The following CFTR variants were observed in gnomAD, a reference collection of about 807,000 sequenced individuals.
The protein encoded by CFTR is cystic fibrosis transmembrane conductance regulator.
Under a neutral mutation model 171.6 loss-of-function variants are expected in CFTR, and 181 were observed. That is an observed-to-expected ratio of 1.05 (90% confidence interval 0.93 to 1.19). CFTR has a LOEUF of 1.19. Ranked by LOEUF, CFTR falls within the 50% of genes most tolerant of loss-of-function variation. The probability of loss-of-function intolerance (pLI) is 0.00; values close to 1 mark genes in which losing one functional copy is unlikely to be tolerated. For missense variants in CFTR, 1,968 were observed against 1,734.7 expected, an observed-to-expected ratio of 1.13 and a Z score of -2.39; for synonymous variants, 583 against 608.0, an observed-to-expected ratio of 0.96 and a Z score of 0.60.
chr7:117,610,800 T>G (rs1273134728), intron 19 of CFTR, 131 bp downstream of exon 19: 1 of 898,880 alleles, frequency 1.1e-6, no homozygotes, highest in East Asian at 2.7e-5. Flanking sequence ...AATTTTTTTC[T>G]ACATGCATGT....
intron 21 of CFTR, among the ~76,000 whole-genome samples, chr7:117,616,650 T>G (rs1444697769): frequency 6.6e-6 from 1 of 152,144 alleles, no homozygotes; most frequent in Non-Finnish European, 1.5e-5. Context: ...TTTTCACATG[T>G]GCATCCTGGC....
At position 117,614,668 on chromosome 7, in the gene CFTR, T is replaced by A. The variant is rs748284173; in HGVS notation, c.3423T>A (p.Ser1141Arg). The A allele has an allele frequency of 6.2e-7, 1 of 1,612,608 alleles. No individual in the cohort carries two copies. The highest frequency in any genetic ancestry group is 1.1e-5 in the South Asian group (1 of 91,064). The stretch of plus-strand genomic sequence containing the variant: ...TGACTTTAGCCATGAATATCATGAG[T>A]ACATTGCAGTGGGCTGTAAACTCCA... ...IILTLAMNIMSTLQWAVNSSI... is the reference protein window; with the variant it reads ...IILTLAMNIMRTLQWAVNSSI... The change falls in exon 21 of 27, where the codon AGT becomes AGA. Residue 1141 changes from serine (S) to arginine (R), a missense_variant. Coordinates refer to ENST00000003084, the MANE Select transcript of CFTR (RefSeq NM_000492.4).
intron 23 of CFTR, among the ~76,000 whole-genome samples, chr7:117,643,629 C>T (rs1157261005): frequency 6.6e-6 from 1 of 151,556 alleles, no homozygotes; most frequent in South Asian, 2.1e-4. Flanking sequence ...ATTGTTTCTT[C>T]AGAAAGAAAA....
chr7:117,520,303 T>C lies in CFTR; in HGVS notation c.274-10596T>C, dbSNP rs542063561. On this transcript the variant is annotated intron_variant, in intron 3 of 26. Coordinates refer to ENST00000003084, the MANE Select transcript of CFTR (RefSeq NM_000492.4). ...TTTTTACAATTAAAAGCTTTAATTTTTGAAAATTTTGCTGGCAAATCTATA... is the reference window on the plus strand; with the variant it reads ...TTTTTACAATTAAAAGCTTTAATTTCTGAAAATTTTGCTGGCAAATCTATA... 1.7e-4 allele frequency among the ~76,000 whole-genome samples: 25 copies of C among 151,442 alleles called. No homozygotes were observed. The South Asian group carries it at 4.3e-3, about 26-fold the overall frequency.
chr7:117,645,327 C>T (rs1303567562), intron 23 of CFTR, among the ~76,000 whole-genome samples: 2 of 152,180 alleles, frequency 1.3e-5, no homozygotes, highest in African/African-American at 4.8e-5. Context: ...TGATCTGTCA[C>T]AGTGAGGTCC....
chr7:117,649,758 CAA>C (rs1237569499), intron 23 of CFTR, among the ~76,000 whole-genome samples: 1 of 151,908 alleles, frequency 6.6e-6, no homozygotes, highest in Non-Finnish European at 1.5e-5. Flanking sequence ...ATGTTAAAAA[CAA>C]AATGCTCACA....
chr7:117,637,604 C>T (rs373007787), intron 22 of CFTR, among the ~76,000 whole-genome samples: 92 of 151,986 alleles, frequency 6.1e-4, no homozygotes, highest in Middle Eastern at 3.4e-3. Context: ...GGGCCAGGTG[C>T]GGTGGCTCAC....
chr7:117,659,327 GT>G (rs945375309), intron 24 of CFTR, among the ~76,000 whole-genome samples: 1 of 152,100 alleles, frequency 6.6e-6, no homozygotes, highest in Non-Finnish European at 1.5e-5. Context: ...ACTTGTCCAT[GT>G]CCCCCACTGG....
rs1186803395 is a variant in CFTR, at chr7:117,614,696, A to T, written c.3451A>T (p.Ile1151Leu). ...STLQWAVNSS[I>L]DVDSLMRSVS... ...ATTGCAGTGGGCTGTAAACTCCAGC[A>T]TAGATGTGGATAGCTTGGTAAGTCT... is the stretch of plus-strand genomic sequence containing the variant. The change falls in exon 21 of 27, where the codon ATA (isoleucine) becomes TTA (leucine). Residue 1151 changes from isoleucine (I) to leucine (L), a missense_variant. Ile to Leu is a conservative substitution (Grantham distance 5). Transcript: ENST00000003084. The T allele has an allele frequency of 6.2e-7, 1 of 1,609,984 alleles. No homozygotes were observed. Among genetic ancestry groups the T allele is most frequent in the African/African-American group, 1.3e-5 (1 of 74,776 alleles).
chr7:117,490,354 C>G lies in CFTR; in HGVS notation c.53+10207C>G, dbSNP rs963322608. 1.2e-3 allele frequency among the ~76,000 whole-genome samples: 181 copies of G among 146,164 alleles called. 1 individual carries two copies. Among genetic ancestry groups the G allele is most frequent in the African/African-American group, 4.7e-3 (179 of 37,838 alleles). On this transcript the variant is annotated intron_variant, in intron 1 of 26. Coordinates refer to ENST00000003084, the MANE Select transcript of CFTR (RefSeq NM_000492.4). The stretch of plus-strand genomic sequence containing the variant: ...ACACACACACACACACACACACACA[C>G]AATTTATTATAAGGAATTGACTTAC...
intron 11 of CFTR, among the ~76,000 whole-genome samples, chr7:117,572,087 T>C (rs1791699747): frequency 6.6e-6 from 1 of 152,092 alleles, no homozygotes; most frequent in Admixed American, 6.6e-5. Context: ...CTCCAACCTC[T>C]GCCTCCCGGG....
intron 11 of CFTR, among the ~76,000 whole-genome samples, chr7:117,574,568 A>G (rs183814653): frequency 6.6e-6 from 1 of 152,256 alleles, no homozygotes; most frequent in African/African-American, 2.4e-5. Context: ...CTGTATTTCT[A>G]GCGTCTATTA....
At chr7:117,492,894 T>A (rs1412261983) in intron 1 of CFTR, among the ~76,000 whole-genome samples, 1 of 151,964 alleles carries the variant, frequency 6.6e-6, no homozygotes, top group Admixed American at 6.6e-5. Context: ...GAAATAGAGG[T>A]TAGGTTTTAT....
chr7:117,494,470 G>A (rs1394303273), intron 1 of CFTR, among the ~76,000 whole-genome samples: 3 of 152,018 alleles, frequency 2.0e-5, no homozygotes, highest in African/African-American at 4.8e-5. Context: ...GAGCATTTAT[G>A]TCCCCAAAGA....
chr7:117,518,381 A>G (rs767920071), intron 3 of CFTR, among the ~76,000 whole-genome samples: 89 of 147,038 alleles, frequency 6.1e-4, no homozygotes, highest in Non-Finnish European at 1.2e-3. Context: ...AATATATAAT[A>G]CTATAAATAA....
At chr7:117,593,055 G>A (rs1388374962) in intron 14 of CFTR, among the ~76,000 whole-genome samples, 3 of 152,168 alleles carry the variant, frequency 2.0e-5, no homozygotes, top group Non-Finnish European at 4.4e-5. Context: ...TATGGAAGTA[G>A]CATATATAAG....
At chr7:117,638,638 A>G in intron 22 of CFTR, among the ~76,000 whole-genome samples, 1 of 152,022 alleles carries the variant, frequency 6.6e-6, no homozygotes, top group East Asian at 1.9e-4. Flanking sequence ...AGGGAAGCTA[A>G]GGCATGAGAA....
At chr7:117,522,678 T>G (rs927461568) in intron 3 of CFTR, among the ~76,000 whole-genome samples, 3 of 152,180 alleles carry the variant, frequency 2.0e-5, no homozygotes, top group Non-Finnish European at 4.4e-5. Flanking sequence ...GGACGCTTCT[T>G]GTGTCTCTGA....
chr7:117,534,309 A>G lies in CFTR; in HGVS notation c.523A>G (p.Ile175Val), dbSNP rs397508744. 1 of 1,604,436 alleles carries G rather than the reference A, an allele frequency of 6.2e-7. No individual in the cohort carries two copies. The highest frequency in any genetic ancestry group is 1.7e-4 in the Middle Eastern group (1 of 6,038). The stretch of plus-strand genomic sequence containing the variant: ...GCTGTCAAGCCGTGTTCTAGATAAA[A>G]TAAGTATTGGACAACTTGTTAGTCT... ...LKLSSRVLDK[I>V]SIGQLVSLLS... is the part of the protein sequence containing the mutation. The change falls in exon 5 of 27, where the codon ATA becomes GTA. Residue 175 changes from isoleucine (I) to valine (V), a missense_variant. Transcript: ENST00000003084.
Sources: gnomAD v4.1 joint callset for allele counts (sites outside exome capture counted in the v4.1 genomes callset) on GRCh38, gnomAD v4.1.1 for gene constraint, MANE v1.5 for transcripts, NCBI Gene and HGNC (gene_info 2026-07-23, HGNC 2026-07-21) for gene names.